The following PRELID2 variants were observed in gnomAD, a reference collection of about 807,000 sequenced individuals.
The protein encoded by PRELID2 is PRELI domain containing 2.
A neutral mutation model predicts 28.4 loss-of-function variants in PRELID2; 25 were observed. The ratio of observed to expected loss-of-function variants is 0.88; its 90% confidence interval spans 0.64 to 1.23. PRELID2 has a LOEUF of 1.23. Ranked by LOEUF, PRELID2 falls within the 50% of genes most tolerant of loss-of-function variation. PRELID2 has a pLI of 0.00. For missense variants in PRELID2, 201 were observed against 214.4 expected, an observed-to-expected ratio of 0.94 and a Z score of 0.39; for synonymous variants, 76 against 71.6, an observed-to-expected ratio of 1.06 and a Z score of -0.31.
At chr5:145,633,911 C>T (rs908557199) in intron 1 of PRELID2, among the ~76,000 whole-genome samples, 1 of 152,272 alleles carries the variant, frequency 6.6e-6, no homozygotes, top group South Asian at 2.1e-4. Flanking sequence ...AGCCATGTTC[C>T]CTGCATTCCC....
At chr5:145,551,033 T>A (rs1020845628) in intron 1 of PRELID2, among the ~76,000 whole-genome samples, 2 of 152,218 alleles carry the variant, frequency 1.3e-5, no homozygotes, top group Non-Finnish European at 2.9e-5. Flanking sequence ...ATGTTCCTGA[T>A]AAAATCTTAT....
intron 5 of PRELID2, among the ~76,000 whole-genome samples, chr5:145,768,164 G>A (rs1370554428): frequency 3.5e-5 from 5 of 141,840 alleles, no homozygotes; most frequent in South Asian, 2.2e-4. Context: ...GGCAAAGGTT[G>A]CAGTGAGCCA....
chr5:145,506,566 C>A (rs994264545), intron 1 of PRELID2, among the ~76,000 whole-genome samples: 1 of 152,134 alleles, frequency 6.6e-6, no homozygotes, highest in East Asian at 1.9e-4. Context: ...AGAGACCAAG[C>A]TGAACTGTGA....
the PRELID2 span, among the ~76,000 whole-genome samples, chr5:145,318,570 G>T: frequency 2.6e-5 from 4 of 152,322 alleles, no homozygotes; most frequent in South Asian, 8.3e-4. Context: ...CCCCTCACAA[G>T]ATGTGCAACA....
intron 1 of PRELID2, among the ~76,000 whole-genome samples, chr5:145,538,377 TGAA>T (rs1436997710): frequency 2.0e-5 from 3 of 151,938 alleles, no homozygotes; most frequent in Admixed American, 2.0e-4. Context: ...AAAATCTCTG[TGAA>T]GAATATTCTC....
At chr5:145,502,539 T>G (rs578009500) in intron 1 of PRELID2, among the ~76,000 whole-genome samples, 106 of 152,276 alleles carry the variant, frequency 7.0e-4, no homozygotes, top group African/African-American at 2.5e-3. Flanking sequence ...TAATAAATTT[T>G]GTCTGCCACA....
At chr5:145,274,920 A>T in the PRELID2 span, among the ~76,000 whole-genome samples, 28 of 152,152 alleles carry the variant, frequency 1.8e-4, no homozygotes, top group Admixed American at 1.8e-3. Flanking sequence ...TCAAGGTGTC[A>T]GCAAGTTTGA....
intron 1 of PRELID2, among the ~76,000 whole-genome samples, chr5:145,706,969 G>A (rs1359638628): frequency 3.9e-5 from 6 of 152,144 alleles, no homozygotes; most frequent in Non-Finnish European, 7.3e-5. Flanking sequence ...GAAATGCAGT[G>A]TCTCAGGCCT....
chr5:145,618,220 T>C (rs1753727851), intron 1 of PRELID2, among the ~76,000 whole-genome samples: 1 of 152,180 alleles, frequency 6.6e-6, no homozygotes, highest in South Asian at 2.1e-4. Context: ...CCACTGCTGG[T>C]GAACTAGTGT....
intron 1 of PRELID2, among the ~76,000 whole-genome samples, chr5:145,476,645 C>T (rs945287976): frequency 6.6e-6 from 1 of 151,766 alleles, no homozygotes; most frequent in African/African-American, 2.4e-5. Context: ...AAAGAAAAAA[C>T]TCCATCTTAA....
chr5:145,265,711 A>G, the PRELID2 span, among the ~76,000 whole-genome samples: 1 of 152,216 alleles, frequency 6.6e-6, no homozygotes, highest in Non-Finnish European at 1.5e-5. Flanking sequence ...AAAGTGGTGA[A>G]AAGACACCCT....
the PRELID2 span, among the ~76,000 whole-genome samples, chr5:145,442,365 C>G: frequency 6.6e-6 from 1 of 152,152 alleles, no homozygotes; most frequent in East Asian, 1.9e-4. Context: ...AGCATCCAGC[C>G]AGCAAGCTTG....
At chr5:145,277,824 G>A in the PRELID2 span, among the ~76,000 whole-genome samples, 13 of 152,260 alleles carry the variant, frequency 8.5e-5, no homozygotes, top group African/African-American at 2.9e-4. Flanking sequence ...GTTTCCCTTG[G>A]GGTCAGCAGT....
chr5:145,800,723 G>A (rs976925257), intron 4 of PRELID2, among the ~76,000 whole-genome samples: 1 of 152,024 alleles, frequency 6.6e-6, no homozygotes, highest in African/African-American at 2.4e-5. Flanking sequence ...AGTAAAGCAG[G>A]GTCATGCCCT....
chr5:145,597,780 C>T (rs1028898567), intron 1 of PRELID2, among the ~76,000 whole-genome samples: 5 of 152,176 alleles, frequency 3.3e-5, no homozygotes, highest in African/African-American at 9.6e-5. Flanking sequence ...TGCTAACATA[C>T]TGCACCTGCA....
chr5:145,503,176 A>G (rs886218862), intron 1 of PRELID2, among the ~76,000 whole-genome samples: 5 of 152,132 alleles, frequency 3.3e-5, no homozygotes, highest in African/African-American at 1.2e-4. Context: ...CCCATCCCCT[A>G]GGGTCTGAAA....
chr5:145,528,690 TACACACACAC>T (rs34302691), intron 1 of PRELID2, among the ~76,000 whole-genome samples: 7 of 129,692 alleles, frequency 5.4e-5, no homozygotes, highest in African/African-American at 1.5e-4. Context: ...CATTCTAAAC[TACACACACAC>T]ACACACACAC....
At chr5:145,235,437 G>A in the PRELID2 span, among the ~76,000 whole-genome samples, 5 of 152,154 alleles carry the variant, frequency 3.3e-5, no homozygotes, top group Non-Finnish European at 5.9e-5. Flanking sequence ...CCCAGAGGGA[G>A]TGCTGAAGTC....
At chr5:145,432,430 TA>T in the PRELID2 span, among the ~76,000 whole-genome samples, 368 of 133,436 alleles carry the variant, frequency 2.8e-3, 1 homozygote, top group East Asian at 8.7e-3. Flanking sequence ...CTCAAGTTGT[TA>T]AAAAAAAAAA....
Sources: gnomAD v4.1 joint callset for allele counts (sites outside exome capture counted in the v4.1 genomes callset) on GRCh38, gnomAD v4.1.1 for gene constraint, MANE v1.5 for transcripts, NCBI Gene and HGNC (gene_info 2026-07-23, HGNC 2026-07-21) for gene names.